VRK2: variants seen among roughly 807,000 people sequenced by gnomAD.
VRK2 encodes the protein serine/threonine-protein kinase VRK2.
VRK2 carries 60 observed loss-of-function variants against 57.6 expected under a neutral mutation model. The observed-to-expected ratio is 1.04, with a 90% CI of 0.85 to 1.29. The LOEUF is 1.29. Among genes scored for constraint, VRK2 ranks in the 50% most tolerant of loss-of-function variants. The pLI is 0.00. For synonymous variants in VRK2, 231 were observed against 199.2 expected (o/e 1.16, Z -1.35); for missense variants, 705 against 588.1 (o/e 1.20, Z -2.06).
intron 12 of VRK2, among the ~76,000 whole-genome samples, chr2:58,151,319 A>G (rs1193577575): frequency 2.6e-5 from 4 of 151,754 alleles, no homozygotes; most frequent in African/African-American, 9.7e-5. Context: ...CCTGTTCATC[A>G]TTCTGAAATA....
At chr2:58,012,747 ACT>A (rs752089367) in intron 1 of VRK2, among the ~76,000 whole-genome samples, 1 of 152,264 alleles carries the variant, frequency 6.6e-6, no homozygotes, top group African/African-American at 2.4e-5. Context: ...GAATTTAGAC[ACT>A]CTGTGCCAGG....
intron 12 of VRK2, among the ~76,000 whole-genome samples, chr2:58,152,856 CATAAT>C (rs1424507383): frequency 2.0e-5 from 3 of 151,900 alleles, no homozygotes; most frequent in Non-Finnish European, 4.4e-5. Flanking sequence ...TTTACATAAC[CATAAT>C]ATAATTTTAC....
intron 7 of VRK2, among the ~76,000 whole-genome samples, chr2:58,102,830 T>G (rs1451402049): frequency 6.6e-6 from 1 of 151,682 alleles, no homozygotes; most frequent in Non-Finnish European, 1.5e-5. Flanking sequence ...GACTGTATGT[T>G]AGGCCACAAA....
In VRK2 at chr2:58,135,553, T is replaced by G. The variant is rs533195483; in HGVS notation, c.856+354T>G. On this transcript the variant is annotated intron_variant, in intron 10 of 12. Coordinates refer to ENST00000340157, the MANE Select transcript of VRK2 (RefSeq NM_006296.7). ...TTCCTGGTTTTGTTCCTCTATATAT[T>G]GTTGAAAGAAGATAAAGTTGACCTA... Among the ~76,000 whole-genome samples, 8 of 152,122 alleles carry G rather than the reference T, an allele frequency of 5.3e-5. No homozygotes were observed. In the East Asian group the frequency reaches 1.4e-3, roughly 26 times the overall value.
At chr2:58,137,165 T>TATCATATATATCATATATGATA (rs1400037447) in intron 10 of VRK2, among the ~76,000 whole-genome samples, 2 of 4,900 alleles carry the variant, frequency 4.1e-4, no homozygotes, top group Non-Finnish European at 1.6e-3. Flanking sequence ...TTTATATATA[T>TATCATATATATCATATATGATA]CATATATCAT....
At chr2:57,943,887 A>T (rs1305470658) in intron 1 of VRK2, among the ~76,000 whole-genome samples, 3 of 152,232 alleles carry the variant, frequency 2.0e-5, no homozygotes, top group Admixed American at 2.0e-4. Context: ...TTGGCAGGCC[A>T]TATGGTGTCT....
intron 1 of VRK2, among the ~76,000 whole-genome samples, chr2:57,970,286 G>C (rs1672056631): frequency 6.6e-6 from 1 of 150,504 alleles, no homozygotes; most frequent in African/African-American, 2.4e-5. Context: ...TTTTCCCCAA[G>C]TCAGAATTTT....
At chr2:57,936,688 G>C (rs1010223639) in intron 1 of VRK2, among the ~76,000 whole-genome samples, 1 of 151,850 alleles carries the variant, frequency 6.6e-6, no homozygotes, top group Non-Finnish European at 1.5e-5. Context: ...TTCTATAGTA[G>C]AATATGATGT....
Position 57,961,630 on chromosome 2 carries a change from C to A in VRK2, c.-439+53791C>A, listed in dbSNP as rs575636793. 6.1e-3 allele frequency among the ~76,000 whole-genome samples: 837 copies of A among 136,966 alleles called. 9 individuals carry two copies. Among genetic ancestry groups the A allele is most frequent in the Non-Finnish European group, 7.4e-3 (473 of 63,504 alleles). The allele number at this position is 136,966 out of a possible 152,430, so 89.9% of individuals were successfully genotyped here. ...CTGTCTCCCACTGTACCCACCCCCC[C>A]CCCCACTTATTACTCTGATTAATCA... On this transcript the variant is annotated intron_variant, in intron 1 of 15. Coordinates refer to the VRK2 transcript ENST00000417641.
upstream of VRK2, among the ~76,000 whole-genome samples, chr2:58,042,905 T>C (rs1334150415): frequency 6.6e-6 from 1 of 152,200 alleles, no homozygotes; most frequent in Non-Finnish European, 1.5e-5. Flanking sequence ...AAGATGTTCT[T>C]TCACTAGTTC....
chr2:58,125,073 T>C (rs769973655), intron 8 of VRK2, among the ~76,000 whole-genome samples: 1 of 152,154 alleles, frequency 6.6e-6, no homozygotes, highest in Non-Finnish European at 1.5e-5. Flanking sequence ...TTTTTGATAA[T>C]GGTATAACTG....
chr2:58,098,839 T>G (rs1459821586), intron 7 of VRK2, among the ~76,000 whole-genome samples: 1 of 152,070 alleles, frequency 6.6e-6, no homozygotes, highest in African/African-American at 2.4e-5. Flanking sequence ...TTAACTAACT[T>G]TTTGGTCATT....
At chr2:57,990,854 TACACACACACAC>T (rs34097486) in intron 1 of VRK2, among the ~76,000 whole-genome samples, 2 of 148,678 alleles carry the variant, frequency 1.3e-5, no homozygotes, top group African/African-American at 2.5e-5. Flanking sequence ...CACACAGACA[TACACACACACAC>T]ACACACACAC....
At chr2:58,035,796 G>A (rs1426353997) in intron 3 of VRK2, among the ~76,000 whole-genome samples, 1 of 152,002 alleles carries the variant, frequency 6.6e-6, no homozygotes, top group African/African-American at 2.4e-5. Context: ...AATTGAAGTG[G>A]CATCAGATGA....
At chr2:57,914,868 A>T (rs1351719814) in intron 1 of VRK2, among the ~76,000 whole-genome samples, 1 of 152,182 alleles carries the variant, frequency 6.6e-6, no homozygotes, top group Non-Finnish European at 1.5e-5. Flanking sequence ...CATTTTAAAA[A>T]GTCTGGAGGG....
Position 58,132,559 on chromosome 2 carries a change from C to A in VRK2, c.797+631C>A, listed in dbSNP as rs138436341. ...ACTGTTTTACAATTCTCTCACTGATCAGGCCTAAGAAAAAGTCAATTGCAT... is the reference window on the plus strand; with the variant it reads ...ACTGTTTTACAATTCTCTCACTGATAAGGCCTAAGAAAAAGTCAATTGCAT... On this transcript the variant is annotated intron_variant, in intron 9 of 12. Coordinates refer to ENST00000340157, the MANE Select transcript of VRK2 (RefSeq NM_006296.7). 3.9e-5 allele frequency among the ~76,000 whole-genome samples: 6 copies of A among 152,266 alleles called. No individual in the cohort carries two copies. In the East Asian group the frequency reaches 1.2e-3, roughly 29 times the overall value.
intron 12 of VRK2, among the ~76,000 whole-genome samples, chr2:58,149,555 G>C (rs1398153778): frequency 6.6e-6 from 1 of 151,288 alleles, no homozygotes; most frequent in African/African-American, 2.4e-5. Flanking sequence ...TATTACATCT[G>C]CTAGCAGCTC....
At chr2:58,120,189 T>TTTTTTTTTTTTTTTTTTTTG (rs1677244407) in intron 7 of VRK2, among the ~76,000 whole-genome samples, 1 of 113,086 alleles carries the variant, frequency 8.8e-6, no homozygotes, top group Non-Finnish European at 1.7e-5. Context: ...CTTTTCTTTT[T>TTTTTTTTTTTTTTTTTTTTG]TTTTTTTTTT....
At chr2:57,980,143 C>A (rs754211566) in intron 1 of VRK2, among the ~76,000 whole-genome samples, 1 of 151,994 alleles carries the variant, frequency 6.6e-6, no homozygotes, top group Admixed American at 6.6e-5. Context: ...TAATTTGAGA[C>A]CTTTCTAACT....
Sources: gnomAD v4.1 joint callset for allele counts (sites outside exome capture counted in the v4.1 genomes callset) on GRCh38, gnomAD v4.1.1 for gene constraint, MANE v1.5 for transcripts, NCBI Gene and HGNC (gene_info 2026-07-23, HGNC 2026-07-21) for gene names.